The following EEPD1 variants were observed in gnomAD, a reference collection of about 807,000 sequenced individuals.
The protein encoded by EEPD1 is endonuclease/exonuclease/phosphatase family domain-containing protein 1.
EEPD1 carries 17 observed loss-of-function variants against 46.3 expected under a neutral mutation model. The ratio of observed to expected loss-of-function variants is 0.37; its 90% CI spans 0.25 to 0.55. EEPD1 has a LOEUF of 0.55. Ranked by LOEUF, EEPD1 falls within the 20% of genes least tolerant of loss-of-function variation. The pLI is 0.83. For missense variants in EEPD1, 673 were observed against 745.6 expected, an observed-to-expected ratio of 0.90 and a Z score of 1.13; for synonymous variants, 313 against 315.6, an observed-to-expected ratio of 0.99 and a Z score of 0.09.
chr7:36,156,472 G>C (rs1784826921), intron 2 of EEPD1, among the ~76,000 whole-genome samples: 1 of 152,146 alleles, frequency 6.6e-6, no homozygotes, highest in Admixed American at 6.5e-5. Context: ...CTCGGCACCG[G>C]GAGATATTTA....
intron 2 of EEPD1, among the ~76,000 whole-genome samples, chr7:36,226,667 T>C (rs565681677): frequency 3.9e-5 from 6 of 152,220 alleles, no homozygotes; most frequent in African/African-American, 1.4e-4. Context: ...GCACTAGAAC[T>C]ATAGAAAATA....
Position 36,226,566 on chromosome 7 carries a change from C to T in EEPD1, c.879-12419C>T, listed in dbSNP as rs375195880. The stretch of plus-strand genomic sequence containing the variant: ...TACTCAAATGCTTGGGAAATGGAAA[C>T]GTGAACTCAGCACAAAGTAGACCCA... On this transcript the variant is annotated intron_variant, in intron 2 of 7. Transcript: ENST00000242108. Among the ~76,000 whole-genome samples the T allele has an allele frequency of 5.3e-5, 8 of 152,268 alleles. No individual in the cohort carries two copies. In the South Asian group the frequency reaches 1.2e-3, roughly 24 times the overall value.
chr7:36,171,182 C>G (rs776372637), intron 2 of EEPD1, among the ~76,000 whole-genome samples: 2 of 152,326 alleles, frequency 1.3e-5, no homozygotes, highest in African/African-American at 2.4e-5. Context: ...CTTGGCCTCC[C>G]AAAGTGCTGA....
intron 2 of EEPD1, among the ~76,000 whole-genome samples, chr7:36,197,899 A>T (rs144198677): frequency 0.027 from 4,119 of 151,938 alleles, 67 homozygotes; most frequent in Non-Finnish European, 0.043. Flanking sequence ...ATAAAAAAAA[A>T]AATAAAAAAA....
At chr7:36,248,162 A>G (rs1242828930) in intron 3 of EEPD1, among the ~76,000 whole-genome samples, 1 of 152,008 alleles carries the variant, frequency 6.6e-6, no homozygotes, top group African/African-American at 2.4e-5. Context: ...GTCCAAATGA[A>G]TTACTTCAAG....
At chr7:36,236,170 G>A (rs1191508095) in intron 2 of EEPD1, among the ~76,000 whole-genome samples, 1 of 152,204 alleles carries the variant, frequency 6.6e-6, no homozygotes, top group Non-Finnish European at 1.5e-5. Flanking sequence ...TCTCGGCTCC[G>A]CCTCGGCGTC....
At chr7:36,161,787 C>T (rs1295465763) in intron 2 of EEPD1, among the ~76,000 whole-genome samples, 1 of 151,618 alleles carries the variant, frequency 6.6e-6, no homozygotes, top group East Asian at 1.9e-4. Context: ...TGGGGTAGTG[C>T]GTGCCTGTAG....
chr7:36,231,829 T>C (rs946212820), intron 2 of EEPD1, among the ~76,000 whole-genome samples: 1 of 152,234 alleles, frequency 6.6e-6, no homozygotes, highest in African/African-American at 2.4e-5. Flanking sequence ...TTATTGCTGC[T>C]TCATATGTCT....
chr7:36,287,494 A>G (rs1787358765), intron 5 of EEPD1, 145 bp from the exon 6 acceptor site: 2 of 1,282,464 alleles, frequency 1.6e-6, no homozygotes, highest in Non-Finnish European at 2.1e-6. Context: ...AAGACCTTAC[A>G]TTATTTCCTG....
At chr7:36,294,339 T>C (rs1197383101) in intron 6 of EEPD1, among the ~76,000 whole-genome samples, 1 of 151,994 alleles carries the variant, frequency 6.6e-6, no homozygotes, top group East Asian at 1.9e-4. Flanking sequence ...GAAATAGAAA[T>C]GTTATACAAA....
intron 2 of EEPD1, among the ~76,000 whole-genome samples, chr7:36,209,483 G>A (rs768232477): frequency 1.3e-5 from 2 of 152,162 alleles, no homozygotes; most frequent in East Asian, 1.9e-4. Context: ...GATGTCTGTC[G>A]TGGGTGTGCA....
At chr7:36,245,814 G>A (rs940378457) in intron 3 of EEPD1, among the ~76,000 whole-genome samples, 1 of 152,140 alleles carries the variant, frequency 6.6e-6, no homozygotes, top group Non-Finnish European at 1.5e-5. Flanking sequence ...ACATCCATTA[G>A]GTCCCAAGAG....
intron 3 of EEPD1, among the ~76,000 whole-genome samples, chr7:36,250,900 TTGAAA>T (rs1171690898): frequency 3.3e-5 from 5 of 152,180 alleles, no homozygotes; most frequent in Non-Finnish European, 7.4e-5. Flanking sequence ...CCCCAAAATG[TTGAAA>T]TAGCTTCTCT....
rs1787578895 is a variant in EEPD1, at chr7:36,299,228, A to T, written c.*22A>T. ...ATGATGACACCAAATCCATGTGTCC[A>T]CCCTGGGACCCAGGAGGGCACAGCC... On this transcript the variant is annotated 3_prime_UTR_variant, in exon 8 of 8. Transcript: ENST00000242108. 3 of 1,608,782 alleles carry T rather than the reference A, an allele frequency of 1.9e-6. No homozygotes were observed. The Admixed American group carries it at 5.0e-5, about 27-fold the overall frequency.
intron 2 of EEPD1, among the ~76,000 whole-genome samples, chr7:36,209,150 A>G (rs1166986743): frequency 6.6e-6 from 1 of 152,224 alleles, no homozygotes; most frequent in Non-Finnish European, 1.5e-5. Context: ...CAGCCATGGT[A>G]CTGGGCATGT....
At chr7:36,297,600 G>A (rs141210575) in intron 7 of EEPD1, among the ~76,000 whole-genome samples, 192 of 152,276 alleles carry the variant, frequency 1.3e-3, no homozygotes, top group African/African-American at 4.1e-3. Flanking sequence ...AGCTGATAAC[G>A]TTACTTTTAG....
intron 2 of EEPD1, among the ~76,000 whole-genome samples, chr7:36,218,647 T>A (rs1256764273): frequency 1.3e-5 from 2 of 152,168 alleles, no homozygotes; most frequent in Non-Finnish European, 2.9e-5. Flanking sequence ...TTTCCAGAAT[T>A]TTCCATTTAA....
In EEPD1 at chr7:36,154,334, A is replaced by T. The variant is rs1583773981; in HGVS notation, c.10A>T (p.Thr4Ser). 1 of 1,608,980 alleles carries T rather than the reference A, an allele frequency of 6.2e-7. No individual in the cohort carries two copies. The highest frequency in any genetic ancestry group is 1.1e-5 in the South Asian group (1 of 91,042). MGS[T>S]LGCHRSIPRD... ...CTGATCCTGGCGGACCATGGGGAGCACCCTGGGCTGCCACCGCTCCATCCC... is the reference window on the plus strand; with the variant it reads ...CTGATCCTGGCGGACCATGGGGAGCTCCCTGGGCTGCCACCGCTCCATCCC... Residue 4 changes from threonine (T) to serine (S), a missense_variant, in exon 2 of 8, where the codon ACC becomes TCC. Transcript: ENST00000242108. This position sits in a 1 kb window ranked among gnomAD's most constrained non-coding sequence, Gnocchi z 4.2.
At chr7:36,286,923 C>A (rs1787349672) in intron 5 of EEPD1, among the ~76,000 whole-genome samples, 1 of 152,112 alleles carries the variant, frequency 6.6e-6, no homozygotes, top group African/African-American at 2.4e-5. Context: ...CCTCAGCCTT[C>A]CAAAGTGCTT....
Sources: allele counts gnomAD v4.1 joint callset (sites outside exome capture counted in the v4.1 genomes callset), GRCh38; gene constraint gnomAD v4.1.1; non-coding constraint Gnocchi (gnomAD v3.1); transcripts MANE v1.5; gene names NCBI Gene and HGNC (gene_info 2026-07-23, HGNC 2026-07-21).